SALL2: variants seen among roughly 807,000 people sequenced by gnomAD.
SALL2 encodes spalt like transcription factor 2.
In SALL2, 32 loss-of-function variants were observed where a neutral mutation model predicts 58.5. The ratio of observed to expected loss-of-function variants is 0.55; its 90% CI spans 0.41 to 0.74. SALL2 has a LOEUF of 0.74. Ranked by LOEUF, SALL2 falls within the 30% of genes least tolerant of loss-of-function variation. The probability of loss-of-function intolerance (pLI) is 0.00; values close to 1 mark genes in which losing one functional copy is unlikely to be tolerated. For synonymous variants in SALL2, 516 were observed against 513.6 expected (o/e 1.00, Z -0.06); for missense variants, 1,201 against 1,268.9 (o/e 0.95, Z 0.81).
At chr14:21,532,941 C>T (rs1465301535) in intron 1 of SALL2, among the ~76,000 whole-genome samples, 1 of 151,596 alleles carries the variant, frequency 6.6e-6, no homozygotes, top group African/African-American at 2.4e-5. Context: ...CCAGCCTGGG[C>T]GACAGAGCGA....
Position 21,522,126 on chromosome 14 carries a change from G to A in SALL2, c.*578C>T, listed in dbSNP as rs771816462. 20 of 1,598,016 alleles carry A rather than the reference G, an allele frequency of 1.3e-5. No individual in the cohort carries two copies. In the South Asian group the frequency reaches 2.1e-4, roughly 17 times the overall value. ...TCCCATTGTTGGAGGCACCTTCCCA[G>A]CCACAGTTCCTAGGCCAAACAGCAC... On this transcript the variant is annotated 3_prime_UTR_variant, in exon 2 of 2. Transcript: ENST00000537235.
rs748787253 is a variant in SALL2, at chr14:21,522,014, C to A, written c.*690G>T. ...AGAAGGAATGTACAGTTTGCTACTT[C>A]TTGTCTATGATGGGCTTCTCAGGCA... is the stretch of plus-strand genomic sequence containing the variant. On this transcript the variant is annotated 3_prime_UTR_variant, in exon 2 of 2. Coordinates refer to ENST00000537235, the MANE Select transcript of SALL2 (RefSeq NM_001364564.1). 1.6e-5 allele frequency: 25 copies of A among 1,586,682 alleles called. No homozygotes were observed. The highest frequency in any genetic ancestry group is 1.3e-5 in the Non-Finnish European group (15 of 1,173,848).
In SALL2 at chr14:21,523,414, C is replaced by T; in HGVS notation, c.2308G>A (p.Glu770Lys). 1 of 1,613,962 alleles carries T rather than the reference C, an allele frequency of 6.2e-7. No homozygotes were observed. The highest frequency in any genetic ancestry group is 8.5e-7 in the Non-Finnish European group (1 of 1,180,032). ...LSEEEEEEDEEEEEDVTDEDS... is the reference protein window; with the variant it reads ...LSEEEEEEDEKEEEDVTDEDS... ...TCATCAGTCACATCTTCCTCTTCTT[C>T]CTCATCCTCCTCTTCCTCCTCCTCA... The change falls in exon 2 of 2, where the codon GAA becomes AAA. Residue 770 changes from glutamate to lysine, a missense_variant. By Grantham distance (56) the Glu-to-Lys change is moderately conservative. Coordinates refer to ENST00000537235, the MANE Select transcript of SALL2 (RefSeq NM_001364564.1). The surrounding 1 kb of genome is among the most constrained non-coding windows in gnomAD (Gnocchi z 4.4).
At position 21,522,914 on chromosome 14, in the gene SALL2, C is replaced by T. The variant is rs530697143; in HGVS notation, c.2808G>A (p.Pro936=). 38 of 1,613,352 alleles carry T rather than the reference C, an allele frequency of 2.4e-5. No individual in the cohort carries two copies. The highest frequency in any genetic ancestry group is 4.0e-5 in the African/African-American group (3 of 74,984). The part of the protein sequence containing the change: ...EHQKTHPKEG[P]LFTCVFCRQG... ...GCCTGCAGAAAACACAAGTGAAGAG[C>T]GGCCCCTCCTTGGGGTGGGTCTTCT... Residue 936 remains proline, a synonymous_variant, in exon 2 of 2, where the codon CCG becomes CCA. Transcript: ENST00000537235.
At position 21,524,884 on chromosome 14, in the gene SALL2, C is replaced by T; in HGVS notation, c.838G>A (p.Gly280Arg). The change falls in exon 2 of 2, where the codon GGG becomes AGG. Residue 280 changes from glycine to arginine, a missense_variant. Transcript: ENST00000537235. ...QAFFHLYHPL[G>R]SQHPFSAGGV... is the part of the protein sequence containing the mutation. ...CCAGCAGAGAAAGGATGCTGTGACC[C>T]CAGTGGGTGGTAAAGGTGGAAGAAG... is the stretch of plus-strand genomic sequence containing the variant. The T allele has an allele frequency of 6.2e-7, 1 of 1,614,174 alleles. No homozygotes were observed. Among genetic ancestry groups the T allele is most frequent in the Non-Finnish European group, 8.5e-7 (1 of 1,180,010 alleles).
At position 21,522,775 on chromosome 14, in the gene SALL2, C is replaced by T; in HGVS notation, c.2947G>A (p.Gly983Ser). Residue 983 changes from glycine (G) to serine (S), a missense_variant, in exon 2 of 2, where the codon GGC (glycine) becomes AGC (serine). Transcript: ENST00000537235. Reference protein sequence around the residue: ...QNIAALSLVPGCSPSITSTGL... With the variant: ...QNIAALSLVPSCSPSITSTGL... ...GTGGAGGTGATGGAAGGCGAACAGC[C>T]AGGGACTAGAGAAAGAGCAGCAATA... The T allele has an allele frequency of 1.9e-6, 3 of 1,585,396 alleles. No homozygotes were observed. The highest frequency in any genetic ancestry group is 2.6e-6 in the Non-Finnish European group (3 of 1,167,824).
rs74034936 is a variant in SALL2, at chr14:21,521,851, T to C, written c.*853A>G. On this transcript the variant is annotated 3_prime_UTR_variant, in exon 2 of 2. Coordinates refer to ENST00000537235, the MANE Select transcript of SALL2 (RefSeq NM_001364564.1). ...TTGGCACACTGACCAGCCAAAACCTTTACCTTAATGTGACCATCAGGGGAT... is the reference window on the plus strand; with the variant it reads ...TTGGCACACTGACCAGCCAAAACCTCTACCTTAATGTGACCATCAGGGGAT... 2.3e-3 allele frequency: 1,953 copies of C among 844,262 alleles called. 36 individuals are homozygous for C. The African/African-American group carries it at 0.031, about 13-fold the overall frequency. 52.3% of individuals were successfully genotyped at this position (844,262 alleles called of 1,614,324 possible). A position where few individuals can be genotyped will look rare whatever the true frequency, so the allele number is the denominator to read the frequency against.
rs1312118810 is a variant in SALL2, at chr14:21,523,156, C to A, written c.2566G>T (p.Gly856Cys). The change falls in exon 2 of 2, where the codon GGT becomes TGT. Residue 856 changes from glycine (G) to cysteine (C), a missense_variant. Gly to Cys is a radical substitution (Grantham distance 159). Around this residue, in one of 3 missense-constraint regions of SALL2, gnomAD observed 675 missense variants for 683.8 expected, o/e 0.99. Transcript: ENST00000537235. This position sits in a 1 kb window ranked among gnomAD's most constrained non-coding sequence, Gnocchi z 4.4. Reference sequence around the variant, plus strand: ...CCCTCTTCCTTGCCTCCTAAAACACCACTGCTTCCCTGCTCCATTGGCTGA... The same window carrying A: ...CCCTCTTCCTTGCCTCCTAAAACACAACTGCTTCCCTGCTCCATTGGCTGA... ...QPQPMEQGSS[G>C]VLGGKEEGGK... The A allele has an allele frequency of 1.4e-5, 22 of 1,614,044 alleles. No homozygotes were observed. The Admixed American group carries it at 3.5e-4, about 26-fold the overall frequency.
At chr14:21,533,800 G>C (rs1334094675) in intron 1 of SALL2, among the ~76,000 whole-genome samples, 1 of 152,076 alleles carries the variant, frequency 6.6e-6, no homozygotes, top group Non-Finnish European at 1.5e-5. Context: ...ATGTAACAAA[G>C]GCTCAGCATT....
chr14:21,525,344 AGC>A lies in SALL2; in HGVS notation c.376_377del (p.Ala126CysfsTer73). 1 of 1,613,972 alleles carries A rather than the reference AGC, an allele frequency of 6.2e-7. No homozygotes were observed. Among genetic ancestry groups the A allele is most frequent in the Non-Finnish European group, 8.5e-7 (1 of 1,179,942 alleles). On this transcript the variant is annotated frameshift_variant, in exon 2 of 2. Coordinates refer to ENST00000537235, the MANE Select transcript of SALL2 (RefSeq NM_001364564.1). LOFTEE classifies it high-confidence loss of function. This position sits in a 1 kb window ranked among gnomAD's most constrained non-coding sequence, Gnocchi z 4.4. ...CTCCCCCAGCCGCTGTACCTGTGGCAGCGACCAGGAAATGCCCTGAAGACTCC... is the reference window on the plus strand; with the variant it reads ...CTCCCCCAGCCGCTGTACCTGTGGCAGACCAGGAAATGCCCTGAAGACTCC... ...GEESSGHFLV[A>X]ATGTAAGGGG... is the part of the protein sequence containing the mutation.
rs781104827 is a variant in SALL2 at position 21,524,997 on chromosome 14, G to C, written c.725C>G (p.Pro242Arg). The C allele has an allele frequency of 6.2e-7, 1 of 1,613,928 alleles. No homozygotes were observed. The highest frequency in any genetic ancestry group is 1.1e-5 in the South Asian group (1 of 91,068). ...CTTGCTGGTTTGGACAGGCTTGATG[G>C]GGCTGAAGAGGGGTAGTAGGGGCTT... is the stretch of plus-strand genomic sequence containing the variant. ...STKPLLPLFS[P>R]IKPVQTSKTL... Residue 242 changes from proline (P) to arginine (R), a missense_variant, in exon 2 of 2, where the codon CCC becomes CGC. Physicochemically the swap from Pro to Arg is moderately radical, Grantham distance 103 (BLOSUM62 -2). Transcript: ENST00000537235.
Position 21,522,185 on chromosome 14 carries a change from G to A in SALL2, c.*519C>T. ...CCAGGCTTGGAGTGGTAGTGGAGGT[G>A]GAGCTGGAATTCCAGGGCTTCATGG... is the stretch of plus-strand genomic sequence containing the variant. On this transcript the variant is annotated 3_prime_UTR_variant, in exon 2 of 2. Transcript: ENST00000537235. The A allele has an allele frequency of 6.3e-7, 1 of 1,597,716 alleles. No individual in the cohort carries two copies. The highest frequency in any genetic ancestry group is 8.5e-7 in the Non-Finnish European group (1 of 1,179,624).
rs1174519344 is a variant in SALL2 at position 21,532,920 on chromosome 14, G to A, written c.-114+4042C>T. 5.9e-5 allele frequency among the ~76,000 whole-genome samples: 9 copies of A among 152,058 alleles called. 1 individual carries two copies. Among genetic ancestry groups the A allele is most frequent in the African/African-American group, 1.7e-4 (7 of 41,500 alleles). On this transcript the variant is annotated intron_variant, in intron 1 of 1. Coordinates refer to the SALL2 transcript ENST00000541965. ...GGAGCTCGCAGTGAGCCAAGATCGC[G>A]CCACTGCACCCCAGCCTGGGCGACA...
chr14:21,526,254 GGCAGCGGCGGGGGCAGGGA>G lies in SALL2; in HGVS notation c.-146_-128del. 1 of 1,446,754 alleles carries G rather than the reference GGCAGCGGCGGGGGCAGGGA, an allele frequency of 6.9e-7. No homozygotes were observed. The highest frequency in any genetic ancestry group is 9.1e-7 in the Non-Finnish European group (1 of 1,102,988). The allele number at this position is 1,446,754 out of a possible 1,614,324, so 89.6% of individuals were successfully genotyped here. The stretch of plus-strand genomic sequence containing the variant: ...GGCCCAGACTGCGGAGATGGAGATC[GGCAGCGGCGGGGGCAGGGA>G]GCAGCGGCGGAGGGGGAGGGGAGCG... On this transcript the variant is annotated 5_prime_UTR_variant, in exon 1 of 2. Transcript: ENST00000537235.
Position 21,522,833 on chromosome 14 carries a change from C to G in SALL2, c.2889G>C (p.Gln963His). ...LKKHMLLAHH[Q>H]VQPFAPHGPQ... ...GGCCATGGGGGGCAAAGGGCTGTACCTGGTGGTGTGCCAGGAGCATATGCT... is the reference window on the plus strand; with the variant it reads ...GGCCATGGGGGGCAAAGGGCTGTACGTGGTGGTGTGCCAGGAGCATATGCT... The change falls in exon 2 of 2, where the codon CAG becomes CAC. Residue 963 changes from glutamine to histidine, a missense_variant. Transcript: ENST00000537235. 6.2e-7 allele frequency: 1 copy of G among 1,610,484 alleles called. No homozygotes were observed. The highest frequency in any genetic ancestry group is 8.5e-7 in the Non-Finnish European group (1 of 1,178,530).
chr14:21,533,238 G>T (rs1055511035), intron 1 of SALL2, among the ~76,000 whole-genome samples: 1 of 152,122 alleles, frequency 6.6e-6, no homozygotes. Flanking sequence ...CCAGGACTGA[G>T]ATACTCTCTA....
chr14:21,525,212 T>C lies in SALL2; in HGVS notation c.510A>G (p.Val170=). The C allele has an allele frequency of 6.2e-7, 1 of 1,612,430 alleles. No homozygotes were observed. The highest frequency in any genetic ancestry group is 8.5e-7 in the Non-Finnish European group (1 of 1,178,828). Residue 170 remains valine (V), a synonymous_variant, in exon 2 of 2, where the codon GTA becomes GTG. Coordinates refer to ENST00000537235, the MANE Select transcript of SALL2 (RefSeq NM_001364564.1). This position sits in a 1 kb window ranked among gnomAD's most constrained non-coding sequence, Gnocchi z 4.4. ...GGGGGATATTCAAGTGGCCACTGCC[T>C]ACCCCTGGGGGCGGAGGGGGTGGTG... The part of the protein sequence containing the change: ...PPPPPPPPPG[V]GSGHLNIPLI...
At chr14:21,534,817 A>G (rs1892550805) in intron 1 of SALL2, among the ~76,000 whole-genome samples, 1 of 152,122 alleles carries the variant, frequency 6.6e-6, no homozygotes, top group African/African-American at 2.4e-5. Context: ...TCAGGAGGGA[A>G]GGATGCCATC....
At chr14:21,531,773 AGGCTGGAGTGCAATGGTG>A in intron 1 of SALL2, among the ~76,000 whole-genome samples, 2 of 69,108 alleles carry the variant, frequency 2.9e-5, no homozygotes, top group South Asian at 4.8e-4. Flanking sequence ...ATGGTCGCCC[AGGCTGGAGTGCAATGGTG>A]TGATCTCGGC....
Sources: allele counts gnomAD v4.1 joint callset (sites outside exome capture counted in the v4.1 genomes callset), GRCh38; gene constraint gnomAD v4.1.1; regional missense constraint gnomAD v4.1.1; non-coding constraint Gnocchi (gnomAD v3.1); transcripts MANE v1.5; gene names NCBI Gene and HGNC (gene_info 2026-07-23, HGNC 2026-07-21).